The following KCTD10 variants were observed in gnomAD, a reference collection of about 807,000 sequenced individuals.
The protein encoded by KCTD10 is potassium channel tetramerization domain containing 10, also known as BTB/POZ domain-containing adapter for CUL3-mediated RhoA degradation protein 3.
In KCTD10, 13 loss-of-function variants were observed where a neutral mutation model predicts 34.6. The observed-to-expected ratio is 0.38, with a 90% CI of 0.24 to 0.60. KCTD10 has a LOEUF of 0.60. Among genes scored for constraint, KCTD10 ranks in the 20% least tolerant of loss-of-function variants. The pLI is 0.66. For synonymous variants in KCTD10, 156 were observed against 168.8 expected (o/e 0.92, Z 0.59); for missense variants, 256 against 420.3 (o/e 0.61, Z 3.42).
At chr12:109,469,266 T>C (rs1034019065) in intron 2 of KCTD10, 8 of 514,132 alleles carry the variant, frequency 1.6e-5, no homozygotes, top group African/African-American at 5.8e-5. Context: ...TACCTCTCTC[T>C]CCCCCAGGCT....
At chr12:109,453,367 A>AC (rs1390594309) in intron 6 of KCTD10, among the ~76,000 whole-genome samples, 1 of 152,074 alleles carries the variant, frequency 6.6e-6, no homozygotes, top group African/African-American at 2.4e-5. Context: ...TTTTTAAAAA[A>AC]TTTTTGGTAG....
intron 1 of KCTD10, chr12:109,470,307 A>G (rs1219817107): frequency 2.0e-6 from 2 of 985,216 alleles, no homozygotes; most frequent in African/African-American, 3.5e-5. Flanking sequence ...TGTAGGGAGA[A>G]GGTGTTTCTG....
chr12:109,462,773 TC>T (rs1464860269), intron 2 of KCTD10, among the ~76,000 whole-genome samples: 1 of 152,148 alleles, frequency 6.6e-6, no homozygotes, highest in Non-Finnish European at 1.5e-5. Flanking sequence ...TTCTGTGAAT[TC>T]CCTGATTTTT....
rs1873289334 is a variant in KCTD10 at position 109,460,916 on chromosome 12, C to G, written c.218-111G>C. 1 of 1,111,810 alleles carries G rather than the reference C, an allele frequency of 9.0e-7. No homozygotes were observed. Among genetic ancestry groups the G allele is most frequent in the Non-Finnish European group, 1.3e-6 (1 of 781,996 alleles). 68.9% of individuals were successfully genotyped at this position (1,111,810 alleles called of 1,614,324 possible). On this transcript the variant is annotated intron_variant, in intron 2 of 6. Coordinates refer to ENST00000228495, the MANE Select transcript of KCTD10 (RefSeq NM_031954.5). The surrounding 1 kb of genome is among the most constrained non-coding windows in gnomAD (Gnocchi z 4.5). ...CTCTACCTCCCAGCGGAGAGCGGGA[C>G]TGCCTGGAGAATGGCAGCCTCACCT...
At chr12:109,464,596 G>C (rs1378691283) in intron 2 of KCTD10, among the ~76,000 whole-genome samples, 2 of 152,110 alleles carry the variant, frequency 1.3e-5, no homozygotes, top group Admixed American at 1.3e-4. Context: ...TGCAGCACTG[G>C]ACCCCAAAGA....
In KCTD10 at chr12:109,451,413, G is replaced by A. The variant is rs1440685351; in HGVS notation, c.*182C>T. 15 of 588,264 alleles carry A rather than the reference G, an allele frequency of 2.5e-5. No individual in the cohort carries two copies. Among genetic ancestry groups the A allele is most frequent in the African/African-American group, 5.6e-5 (3 of 53,366 alleles). The allele number at this position is 588,264 out of a possible 1,614,324, so 36.4% of individuals were successfully genotyped here. ...GCTTGTTCAACGACAGGGGTCATAC[G>A]CCTGGGTCAAGACAATCAATTTGCC... is the stretch of plus-strand genomic sequence containing the variant. On this transcript the variant is annotated 3_prime_UTR_variant, in exon 7 of 7. Coordinates refer to ENST00000228495, the MANE Select transcript of KCTD10 (RefSeq NM_031954.5). The surrounding 1 kb of genome is among the most constrained non-coding windows in gnomAD (Gnocchi z 5.0).
Position 109,477,300 on chromosome 12 carries a change from T to C in KCTD10, c.-38A>G, listed in dbSNP as rs933050508. 7 of 1,613,450 alleles carry C rather than the reference T, an allele frequency of 4.3e-6. No homozygotes were observed. The highest frequency in any genetic ancestry group is 2.2e-5 in the East Asian group (1 of 44,846). On this transcript the variant is annotated 5_prime_UTR_variant, in exon 1 of 7. Coordinates refer to ENST00000228495, the MANE Select transcript of KCTD10 (RefSeq NM_031954.5). ...GACGCAGGAGTCTCCAAACCCGGAC[T>C]GAGAGAGGCAGGAAACACCCAGCTC...
chr12:109,450,603 G>T lies in KCTD10; in HGVS notation c.*992C>A, dbSNP rs1872722922. On this transcript the variant is annotated 3_prime_UTR_variant, in exon 7 of 7. Transcript: ENST00000228495. The stretch of plus-strand genomic sequence containing the variant: ...TCCCTGCCTGGATGCCAGGCTGGGA[G>T]GACAAAGGGTATGGGCCACACTGAA... 1.0e-5 allele frequency: 4 copies of T among 385,616 alleles called. No homozygotes were observed. Among genetic ancestry groups the T allele is most frequent in the African/African-American group, 6.2e-5 (3 of 48,284 alleles). 23.9% of individuals were successfully genotyped at this position (385,616 alleles called of 1,614,324 possible).
rs1285586809 is a variant in KCTD10, at chr12:109,450,075, A to G, written c.*1520T>C. ...TAAGTACAAAGTCTAAGCTGTAAAA[A>G]CCGTTTGAAAATATAAACTCGTTTT... On this transcript the variant is annotated 3_prime_UTR_variant, in exon 7 of 7. Transcript: ENST00000228495. 1 of 392,548 alleles carries G rather than the reference A, an allele frequency of 2.5e-6. No individual in the cohort carries two copies. Among genetic ancestry groups the G allele is most frequent in the South Asian group, 1.4e-4 (1 of 6,978 alleles). The allele number at this position is 392,548 out of a possible 1,614,324, so 24.3% of individuals were successfully genotyped here.
rs1305949537 is a variant in KCTD10 at position 109,452,064 on chromosome 12, T to C, written c.724-251A>G. 2.0e-5 allele frequency among the ~76,000 whole-genome samples: 3 copies of C among 152,206 alleles called. No individual in the cohort carries two copies. In the East Asian group the frequency reaches 5.8e-4, roughly 29 times the overall value. On this transcript the variant is annotated intron_variant, in intron 6 of 6. Coordinates refer to ENST00000228495, the MANE Select transcript of KCTD10 (RefSeq NM_031954.5). Reference sequence around the variant, plus strand: ...TTTCCCTTCTTAAAGGTACAGTTTCTCATCATTTTACCCTCTCAAAGATTC... The same window carrying C: ...TTTCCCTTCTTAAAGGTACAGTTTCCCATCATTTTACCCTCTCAAAGATTC...
At chr12:109,471,021 C>T (rs1453270233) in intron 1 of KCTD10, 3 of 663,694 alleles carry the variant, frequency 4.5e-6, no homozygotes, top group Non-Finnish European at 5.6e-6. Context: ...TTCCCCACCC[C>T]AATGCAACAA....
At position 109,458,378 on chromosome 12, in the gene KCTD10, G is replaced by A. The variant is rs1280678349; in HGVS notation, c.388-300C>T. The stretch of plus-strand genomic sequence containing the variant: ...AAACCCTTGACGTGGCAGCAGAAAC[G>A]TGTTTTAATCAAAAGCTCCTAAAAC... On this transcript the variant is annotated intron_variant, in intron 3 of 6. Coordinates refer to ENST00000228495, the MANE Select transcript of KCTD10 (RefSeq NM_031954.5). The A allele has an allele frequency of 2.9e-5, 8 of 272,238 alleles. No homozygotes were observed. In the East Asian group the frequency reaches 3.6e-4, roughly 12 times the overall value. 16.9% of individuals were successfully genotyped at this position (272,238 alleles called of 1,614,324 possible).
Position 109,451,807 on chromosome 12 carries a change from ACT to A in KCTD10, c.728_729del (p.Glu243ValfsTer8). 6.2e-7 allele frequency: 1 copy of A among 1,612,440 alleles called. No individual in the cohort carries two copies. Among genetic ancestry groups the A allele is most frequent in the Non-Finnish European group, 8.5e-7 (1 of 1,179,316 alleles). ...YATEKKQTKV[E>X]FPEARIYEET... ...TCCTCATAAATCCGGGCTTCGGGAA[ACT>A]CCACCTGTGTTCCCACAGTATACAG... On this transcript the variant is annotated frameshift_variant, in exon 7 of 7. Transcript: ENST00000228495. LOFTEE classifies it high-confidence loss of function. This position sits in a 1 kb window ranked among gnomAD's most constrained non-coding sequence, Gnocchi z 5.0.
Position 109,451,412 on chromosome 12 carries a change from C to T in KCTD10, c.*183G>A, listed in dbSNP as rs560432985. Reference sequence around the variant, plus strand: ...AGCTTGTTCAACGACAGGGGTCATACGCCTGGGTCAAGACAATCAATTTGC... The same window carrying T: ...AGCTTGTTCAACGACAGGGGTCATATGCCTGGGTCAAGACAATCAATTTGC... On this transcript the variant is annotated 3_prime_UTR_variant, in exon 7 of 7. Coordinates refer to ENST00000228495, the MANE Select transcript of KCTD10 (RefSeq NM_031954.5). This position sits in a 1 kb window ranked among gnomAD's most constrained non-coding sequence, Gnocchi z 5.0. 2.7e-4 allele frequency: 157 copies of T among 589,366 alleles called. 5 individuals carry two copies. The South Asian group carries it at 2.8e-3, about 11-fold the overall frequency. 36.5% of individuals were successfully genotyped at this position (589,366 alleles called of 1,614,324 possible).
chr12:109,457,803 G>T, intron 4 of KCTD10, 121 bp from the exon 5 acceptor site: 1 of 1,165,472 alleles, frequency 8.6e-7, no homozygotes, highest in Non-Finnish European at 1.3e-6. Context: ...AGCATAGCTT[G>T]CTGGCTGGAG....
intron 2 of KCTD10, 56 bp downstream of exon 2, chr12:109,469,459 C>T (rs568034877): frequency 3.4e-5 from 53 of 1,576,450 alleles, no homozygotes; most frequent in Non-Finnish European, 4.3e-5. Context: ...TTCAGGGAAG[C>T]CCTCCTTGAC....
chr12:109,458,108 G>A, intron 3 of KCTD10, 30 bp from the exon 4 acceptor site: 2 of 1,582,796 alleles, frequency 1.3e-6, no homozygotes, highest in African/African-American at 1.3e-5. Flanking sequence ...TTTCAGCCTA[G>A]GAGGCCTGCC....
Position 109,451,887 on chromosome 12 carries a change from G to A in KCTD10, c.724-74C>T. The A allele has an allele frequency of 7.6e-7, 1 of 1,318,550 alleles. No individual in the cohort carries two copies. Among genetic ancestry groups the A allele is most frequent in the Non-Finnish European group, 1.0e-6 (1 of 972,916 alleles). 81.7% of individuals were successfully genotyped at this position (1,318,550 alleles called of 1,614,324 possible). A position where few individuals can be genotyped will look rare whatever the true frequency, so the allele number is the denominator to read the frequency against. On this transcript the variant is annotated intron_variant, in intron 6 of 6. Coordinates refer to ENST00000228495, the MANE Select transcript of KCTD10 (RefSeq NM_031954.5). The surrounding 1 kb of genome is among the most constrained non-coding windows in gnomAD (Gnocchi z 5.0). ...TGCCAACACCTGGACTTTAAGCAGG[G>A]CCGCCAGGCTAAATCAGGCCCCTGG...
intron 1 of KCTD10, among the ~76,000 whole-genome samples, chr12:109,474,314 G>C (rs1874040977): frequency 6.6e-6 from 1 of 152,182 alleles, no homozygotes; most frequent in African/African-American, 2.4e-5. Flanking sequence ...ATGAAACAGA[G>C]AGGCAATGAA....
Sources: gnomAD v4.1 joint callset for allele counts (sites outside exome capture counted in the v4.1 genomes callset) on GRCh38, gnomAD v4.1.1 for gene constraint, Gnocchi (gnomAD v3.1) non-coding constraint, MANE v1.5 for transcripts, NCBI Gene and HGNC (gene_info 2026-07-23, HGNC 2026-07-21) for gene names.